ENOX1: variants seen among roughly 807,000 people sequenced by gnomAD.
ENOX1 encodes ecto-NOX disulfide-thiol exchanger 1.
ENOX1 carries 42 observed loss-of-function variants against 82.5 expected under a neutral mutation model. The observed-to-expected ratio is 0.51, with a 90% CI of 0.40 to 0.66. The LOEUF (loss-of-function observed/expected upper bound fraction) is 0.66, where lower values mean the gene tolerates loss of function less well. Among genes scored for constraint, ENOX1 ranks in the 30% least tolerant of loss-of-function variants. The pLI is 0.00. For missense variants in ENOX1, 608 were observed against 811.6 expected (o/e 0.75, Z 3.05); for synonymous variants, 271 against 282.2 (o/e 0.96, Z 0.40).
chr13:43,528,518 A>G (rs1593647282), intron 2 of ENOX1, among the ~76,000 whole-genome samples: 1 of 152,248 alleles, frequency 6.6e-6, no homozygotes, highest in African/African-American at 2.4e-5. Flanking sequence ...AATGTTATTG[A>G]TCTATTGAAT....
At position 43,264,548 on chromosome 13, in the gene ENOX1, A is replaced by G. The variant is rs2153478428; in HGVS notation, c.1611+850T>C. 2.0e-5 allele frequency among the ~76,000 whole-genome samples: 3 copies of G among 152,302 alleles called. No individual in the cohort carries two copies. In the South Asian group the frequency reaches 6.2e-4, roughly 32 times the overall value. On this transcript the variant is annotated intron_variant, in intron 14 of 16. Transcript: ENST00000690772. ...CTCTGAATATTAGGCTCTCTGTTGT[A>G]TATAATTAAAACAAGAGTGAACAAG...
At chr13:43,236,247 G>A (rs1177402624) in intron 15 of ENOX1, among the ~76,000 whole-genome samples, 2 of 152,154 alleles carry the variant, frequency 1.3e-5, no homozygotes, top group Non-Finnish European at 2.9e-5. Flanking sequence ...CTGCTAAGGG[G>A]CTTAGAGTTT....
At chr13:43,453,273 C>T (rs2057060957) in intron 3 of ENOX1, among the ~76,000 whole-genome samples, 1 of 152,176 alleles carries the variant, frequency 6.6e-6, no homozygotes. Flanking sequence ...AACTTACAAG[C>T]TTTCCACATT....
chr13:43,719,583 A>C (rs1374246521), intron 1 of ENOX1, among the ~76,000 whole-genome samples: 2 of 152,138 alleles, frequency 1.3e-5, no homozygotes, highest in Non-Finnish European at 2.9e-5. Context: ...GTCTTATGGC[A>C]CTCATAGACA....
At chr13:43,496,183 T>G (rs2153664860) in intron 2 of ENOX1, among the ~76,000 whole-genome samples, 1 of 152,094 alleles carries the variant, frequency 6.6e-6, no homozygotes, top group South Asian at 2.1e-4. Flanking sequence ...TAACTGATTT[T>G]TTTCTATAAT....
intron 12 of ENOX1, among the ~76,000 whole-genome samples, chr13:43,275,741 C>T (rs1168266822): frequency 6.6e-6 from 1 of 152,182 alleles, no homozygotes; most frequent in Non-Finnish European, 1.5e-5. Flanking sequence ...TGGTACTGGG[C>T]TGGGCAATGT....
rs148344936 is a variant in ENOX1 at position 43,290,816 on chromosome 13, C to T, written c.1446+7530G>A. On this transcript the variant is annotated intron_variant, in intron 12 of 16. Coordinates refer to ENST00000690772, the MANE Select transcript of ENOX1 (RefSeq NM_001347969.2). ...TTGAGGCGGGCAGATCACTTGAGAT[C>T]GGGAGTTCAAGACCAGCCTGGCCAA... Among the ~76,000 whole-genome samples, 920 of 152,226 alleles carry T rather than the reference C, an allele frequency of 6.0e-3. 8 individuals carry two copies. Among genetic ancestry groups the T allele is most frequent in the African/African-American group, 0.019 (773 of 41,556 alleles).
chr13:43,574,941 C>T (rs1391124957), intron 2 of ENOX1, among the ~76,000 whole-genome samples: 3 of 151,988 alleles, frequency 2.0e-5, no homozygotes, highest in South Asian at 2.1e-4. Flanking sequence ...AGTTCTGAGG[C>T]GGGGAAGGTA....
chr13:43,416,669 C>T (rs188645888), intron 3 of ENOX1, among the ~76,000 whole-genome samples: 1 of 145,134 alleles, frequency 6.9e-6, no homozygotes, highest in Non-Finnish European at 1.5e-5. Flanking sequence ...GGGGCAGAGG[C>T]ACTCCTCACT....
At chr13:43,445,218 G>T (rs1396555806) in intron 3 of ENOX1, among the ~76,000 whole-genome samples, 2 of 151,282 alleles carry the variant, frequency 1.3e-5, no homozygotes, top group East Asian at 3.9e-4. Context: ...CCACCTCCTG[G>T]GTTCACACCA....
intron 1 of ENOX1, among the ~76,000 whole-genome samples, chr13:43,710,515 T>C (rs1481935216): frequency 6.6e-6 from 1 of 152,118 alleles, no homozygotes; most frequent in Non-Finnish European, 1.5e-5. Flanking sequence ...ATTGAAAAAC[T>C]TTAGACACAT....
chr13:43,282,117 G>C (rs1244831419), intron 12 of ENOX1, among the ~76,000 whole-genome samples: 1 of 152,084 alleles, frequency 6.6e-6, no homozygotes, highest in Non-Finnish European at 1.5e-5. Flanking sequence ...ATCATGAATG[G>C]ATATTTGGTG....
At chr13:43,451,947 G>T (rs2056989942) in intron 3 of ENOX1, among the ~76,000 whole-genome samples, 1 of 152,140 alleles carries the variant, frequency 6.6e-6, no homozygotes, top group Admixed American at 6.5e-5. Flanking sequence ...AGAGAAAAAG[G>T]GGAGAGCAGA....
chr13:43,322,333 T>G, intron 11 of ENOX1, 51 bp downstream of exon 11: 3 of 1,417,126 alleles, frequency 2.1e-6, no homozygotes, highest in East Asian at 2.3e-5. Flanking sequence ...CATCTGAGAT[T>G]TGGAAGATCA....
chr13:43,515,992 T>C (rs2077545618), intron 2 of ENOX1, among the ~76,000 whole-genome samples: 1 of 152,148 alleles, frequency 6.6e-6, no homozygotes, highest in Admixed American at 6.5e-5. Flanking sequence ...TACTAACCTA[T>C]ACCTGCAAAT....
intron 12 of ENOX1, among the ~76,000 whole-genome samples, chr13:43,291,028 AAAAAAT>A (rs1269675885): frequency 9.2e-5 from 14 of 152,208 alleles, no homozygotes; most frequent in South Asian, 2.1e-4. Context: ...CTCCATCTCA[AAAAAAT>A]AAAAATAAAA....
chr13:43,258,458 G>C (rs555992842), intron 14 of ENOX1, among the ~76,000 whole-genome samples: 1 of 152,286 alleles, frequency 6.6e-6, no homozygotes. Flanking sequence ...GGTTAGAGGT[G>C]GGGAAGGAAA....
chr13:43,275,044 C>T (rs2044924757), intron 12 of ENOX1, among the ~76,000 whole-genome samples: 1 of 152,338 alleles, frequency 6.6e-6, no homozygotes, highest in Non-Finnish European at 1.5e-5. Flanking sequence ...AATTTTCCTA[C>T]CTCAACCCGT....
At chr13:43,295,991 G>A (rs2046264747) in intron 12 of ENOX1, among the ~76,000 whole-genome samples, 2 of 152,026 alleles carry the variant, frequency 1.3e-5, no homozygotes, top group Non-Finnish European at 2.9e-5. Flanking sequence ...TGGCTCTCCC[G>A]CTCCCTGTCT....
Sources: gnomAD v4.1 joint callset for allele counts (sites outside exome capture counted in the v4.1 genomes callset) on GRCh38, gnomAD v4.1.1 for gene constraint, MANE v1.5 for transcripts, NCBI Gene and HGNC (gene_info 2026-07-23, HGNC 2026-07-21) for gene names.